KIR2DL1: variants seen among roughly 807,000 people sequenced by gnomAD.
The protein encoded by KIR2DL1 is killer cell immunoglobulin-like receptor 2DL1.
Under a neutral mutation model 33.9 loss-of-function variants are expected in KIR2DL1, and 38 were observed. The ratio of observed to expected loss-of-function variants is 1.12; its 90% CI spans 0.86 to 1.47. The LOEUF is 1.47. Among genes scored for constraint, KIR2DL1 ranks in the 40% most tolerant of loss-of-function variants. KIR2DL1 has a pLI of 0.00. For missense variants in KIR2DL1, 531 were observed against 433.9 expected (o/e 1.22, Z -1.99); for synonymous variants, 179 against 165.9 (o/e 1.08, Z -0.61).
chr19:54,770,930 G>C lies in KIR2DL1; in HGVS notation c.70+46G>C, dbSNP rs780745445. 9 of 1,572,888 alleles carry C rather than the reference G, an allele frequency of 5.7e-6. 1 individual carries two copies. The Admixed American group carries it at 1.0e-4, about 18-fold the overall frequency. On this transcript the variant is annotated intron_variant, in intron 2 of 7. Coordinates refer to ENST00000336077, the MANE Select transcript of KIR2DL1 (RefSeq NM_014218.3). ...TCGGGTGTCATCTCCCCACATAAGAGGATTTTCCTGAAATGGGAGGGAAGT... is the reference window on the plus strand; with the variant it reads ...TCGGGTGTCATCTCCCCACATAAGACGATTTTCCTGAAATGGGAGGGAAGT...
Position 54,782,951 on chromosome 19 carries a change from G to C in KIR2DL1, c.745G>C (p.Gly249Arg), listed in dbSNP as rs1314909147. ...GNPRHLHILI[G>R]TSVVIILFIL... ...CCCCCGACACCTGCACATTCTGATTGGGACCTCAGTGGTCATCATCCTCTT... is the reference window on the plus strand; with the variant it reads ...CCCCCGACACCTGCACATTCTGATTCGGACCTCAGTGGTCATCATCCTCTT... Residue 249 changes from glycine to arginine, a missense_variant, in exon 6 of 8, where the codon GGG becomes CGG. Transcript: ENST00000336077. 4 of 1,613,544 alleles carry C rather than the reference G, an allele frequency of 2.5e-6. No homozygotes were observed. The East Asian group carries it at 6.7e-5, about 27-fold the overall frequency.
chr19:54,776,116 T>C (rs2076302303), intron 4 of KIR2DL1, among the ~76,000 whole-genome samples: 1 of 144,750 alleles, frequency 6.9e-6, no homozygotes, highest in Non-Finnish European at 1.5e-5. Context: ...GGTCTCGAAC[T>C]CCTGACCACG....
At chr19:54,770,813 T>A in intron 1 of KIR2DL1, 36 bp from the exon 2 acceptor site, 1 of 1,582,546 alleles carries the variant, frequency 6.3e-7, no homozygotes, top group Non-Finnish European at 8.7e-7. Context: ...CTGGTTTGCC[T>A]GCAGATGGGT....
At chr19:54,775,690 G>T in intron 4 of KIR2DL1, among the ~76,000 whole-genome samples, 1 of 148,608 alleles carries the variant, frequency 6.7e-6, no homozygotes, top group East Asian at 1.9e-4. Context: ...GGAGAAAGCG[G>T]TCAGGAGAGA....
rs534927420 is a variant in KIR2DL1 at position 54,782,720 on chromosome 19, A to T, written c.716-202A>T. Among the ~76,000 whole-genome samples the T allele has an allele frequency of 7.1e-4, 108 of 151,796 alleles. No individual in the cohort carries two copies. In the South Asian group the frequency reaches 0.022, roughly 31 times the overall value. On this transcript the variant is annotated intron_variant, in intron 5 of 7. Transcript: ENST00000336077. Reference sequence around the variant, plus strand: ...TTGAAGGGGTCAAACATCTCAACTAAAGTAGTCGTATCCTCAGCACGTTCT... The same window carrying T: ...TTGAAGGGGTCAAACATCTCAACTATAGTAGTCGTATCCTCAGCACGTTCT...
chr19:54,776,233 ATT>A (rs200973649), intron 4 of KIR2DL1, among the ~76,000 whole-genome samples: 14,004 of 132,824 alleles, frequency 0.11, 4 homozygotes, highest in South Asian at 0.23. Flanking sequence ...TCATAAATAC[ATT>A]TTTATATATA....
rs759981568 is a variant in KIR2DL1, at chr19:54,769,876, C to A, written c.26C>A (p.Ala9Glu). Residue 9 changes from alanine to glutamate, a missense_variant, in exon 1 of 8, where the codon GCG becomes GAG. Transcript: ENST00000336077. ...ATGTCGCTCTTGGTCGTCAGCATGG[C>A]GTGTGTTGGTGAGTCCTGGAAAGCA... MSLLVVSM[A>E]CVGFFLLQGA... The A allele has an allele frequency of 7.0e-6, 11 of 1,568,612 alleles. No homozygotes were observed. The East Asian group carries it at 2.5e-4, about 35-fold the overall frequency.
At chr19:54,778,332 C>T (rs1346357108) in intron 4 of KIR2DL1, among the ~76,000 whole-genome samples, 1 of 149,412 alleles carries the variant, frequency 6.7e-6, no homozygotes, top group Non-Finnish European at 1.5e-5. Flanking sequence ...CTCCGTTGTT[C>T]TATGTGCCTT....
rs557886469 is a variant in KIR2DL1, at chr19:54,772,231, G to A, written c.71-1102G>A. Among the ~76,000 whole-genome samples the A allele has an allele frequency of 8.8e-5, 13 of 147,592 alleles. 1 individual carries two copies. The South Asian group carries it at 2.4e-3, about 27-fold the overall frequency. ...GTCACAGGGGTCCACATGAAAGGAG[G>A]AGGAAGAGGGGAGTGGGGATTACAG... On this transcript the variant is annotated intron_variant, in intron 2 of 7. Transcript: ENST00000336077.
rs1181998219 is a variant in KIR2DL1, at chr19:54,772,973, C to A, written c.71-360C>A. ...CCTCCTGCCAAGGATTCCAATTCGT[C>A]CAAAAGAGATTGAACCAGGCTGCTA... On this transcript the variant is annotated intron_variant, in intron 2 of 7. Coordinates refer to ENST00000336077, the MANE Select transcript of KIR2DL1 (RefSeq NM_014218.3). Among the ~76,000 whole-genome samples, 3 of 148,090 alleles carry A rather than the reference C, an allele frequency of 2.0e-5. No homozygotes were observed. The East Asian group carries it at 5.8e-4, about 29-fold the overall frequency.
chr19:54,779,041 C>G (rs2076672790), intron 5 of KIR2DL1, among the ~76,000 whole-genome samples: 1 of 147,090 alleles, frequency 6.8e-6, no homozygotes. Flanking sequence ...TTCCACTTGC[C>G]AAGGAATGAG....
intron 4 of KIR2DL1, among the ~76,000 whole-genome samples, chr19:54,778,340 C>T (rs1225629199): frequency 6.7e-5 from 10 of 149,252 alleles, no homozygotes; most frequent in African/African-American, 2.2e-4. Flanking sequence ...TTCTATGTGC[C>T]TTTCTTTATG....
intron 4 of KIR2DL1, among the ~76,000 whole-genome samples, chr19:54,776,971 C>A (rs1447782000): frequency 6.7e-6 from 1 of 150,176 alleles, no homozygotes. Context: ...GACTTCCATA[C>A]TTTTCTCCGT....
chr19:54,783,462 T>G, intron 6 of KIR2DL1, 24 bp from the exon 7 acceptor site: 1 of 1,611,786 alleles, frequency 6.2e-7, no homozygotes, highest in South Asian at 1.1e-5. Flanking sequence ...TCCGAGCTGT[T>G]TTGTTGACTT....
chr19:54,778,500 A>T, intron 4 of KIR2DL1, 112 bp from the exon 5 acceptor site: 1 of 1,071,362 alleles, frequency 9.3e-7, no homozygotes, highest in Non-Finnish European at 1.4e-6. Flanking sequence ...CAGGACTCCC[A>T]GGGCTCAATA....
At chr19:54,782,887 G>A in intron 5 of KIR2DL1, 35 bp from the exon 6 acceptor site, 1 of 1,599,550 alleles carries the variant, frequency 6.3e-7, no homozygotes, top group South Asian at 1.1e-5. Flanking sequence ...GAACTGCTAA[G>A]ATTAGCTTCT....
In KIR2DL1 at chr19:54,775,300, G is replaced by C. The variant is rs377404034; in HGVS notation, c.506G>C (p.Arg169Pro). 1.9e-6 allele frequency: 3 copies of C among 1,598,688 alleles called. No individual in the cohort carries two copies. Among genetic ancestry groups the C allele is most frequent in the Non-Finnish European group, 2.6e-6 (3 of 1,168,126 alleles). The change falls in exon 4 of 8, where the codon CGT becomes CCT. Residue 169 changes from arginine (R) to proline (P), a missense_variant. Coordinates refer to ENST00000336077, the MANE Select transcript of KIR2DL1 (RefSeq NM_014218.3). ...HLSREGEAHE[R>P]RLPAGPKVNG... The stretch of plus-strand genomic sequence containing the variant: ...TCCAGGGAAGGGGAGGCCCATGAAC[G>C]TAGGCTCCCTGCAGGGCCCAAGGTC...
At chr19:54,776,040 C>G (rs1267005791) in intron 4 of KIR2DL1, among the ~76,000 whole-genome samples, 1 of 145,778 alleles carries the variant, frequency 6.9e-6, no homozygotes, top group Non-Finnish European at 1.5e-5. Flanking sequence ...TACAGGCACG[C>G]ACCACCACGC....
chr19:54,769,829 G>C lies in KIR2DL1; in HGVS notation c.-22G>C. ...TGCTGAGCTGAGCTCGGTCGCGGCT[G>C]CCTGTCTGCTCCGGCAGCACCATGT... On this transcript the variant is annotated 5_prime_UTR_variant, in exon 1 of 8. Transcript: ENST00000336077. 2 of 1,568,230 alleles carry C rather than the reference G, an allele frequency of 1.3e-6. No homozygotes were observed. The highest frequency in any genetic ancestry group is 1.7e-6 in the Non-Finnish European group (2 of 1,146,392).
Sources: gnomAD v4.1 joint callset for allele counts (sites outside exome capture counted in the v4.1 genomes callset) on GRCh38, gnomAD v4.1.1 for gene constraint, MANE v1.5 for transcripts, NCBI Gene and HGNC (gene_info 2026-07-23, HGNC 2026-07-21) for gene names.